Variants in ANO5 observed in about 807,000 individuals in gnomAD.
ANO5 encodes anoctamin-5.
ANO5 carries 109 observed loss-of-function variants against 121.0 expected under a neutral mutation model. That is an observed-to-expected ratio of 0.90 (90% CI 0.77 to 1.06). The LOEUF (loss-of-function observed/expected upper bound fraction) is 1.06. Among genes scored for constraint, ANO5 ranks in the 50% least tolerant of loss-of-function variants. ANO5 has a pLI of 0.00. For synonymous variants in ANO5, 406 were observed against 359.9 expected, an observed-to-expected ratio of 1.13 and a Z score of -1.45; for missense variants, 1,064 against 1,078.5, an observed-to-expected ratio of 0.99 and a Z score of 0.19.
rs112987172 is a variant in ANO5 at position 22,267,525 on chromosome 11, A to T, written c.1899-2787A>T. Reference sequence around the variant, plus strand: ...ATCTACAATTATATATATATATATAAAATCTATCTACAATTATACCAAGTG... The same window carrying T: ...ATCTACAATTATATATATATATATATAATCTATCTACAATTATACCAAGTG... On this transcript the variant is annotated intron_variant, in intron 17 of 21. Transcript: ENST00000324559. Among the ~76,000 whole-genome samples the T allele has an allele frequency of 1.7e-3, 241 of 139,568 alleles. 1 individual carries two copies. Among genetic ancestry groups the T allele is most frequent in the East Asian group, 6.0e-3 (26 of 4,330 alleles). 91.6% of individuals were successfully genotyped at this position (139,568 alleles called of 152,430 possible). A position where few individuals can be genotyped will look rare whatever the true frequency, so the allele number is the denominator to read the frequency against.
chr11:22,248,537 G>A (rs889411052), intron 9 of ANO5, among the ~76,000 whole-genome samples: 6 of 152,126 alleles, frequency 3.9e-5, no homozygotes, highest in Middle Eastern at 3.4e-3. Flanking sequence ...GATCCTGAAA[G>A]ATTATTTCGT....
At chr11:22,231,062 C>T (rs1249969524) in intron 7 of ANO5, among the ~76,000 whole-genome samples, 1 of 151,944 alleles carries the variant, frequency 6.6e-6, no homozygotes, top group Non-Finnish European at 1.5e-5. Flanking sequence ...CTCACCACAC[C>T]TCTTATGGCA....
In ANO5 at chr11:22,223,409, T is replaced by C. The variant is rs78729891; in HGVS notation, c.294+2199T>C. On this transcript the variant is annotated intron_variant, in intron 5 of 21. Coordinates refer to ENST00000324559, the MANE Select transcript of ANO5 (RefSeq NM_213599.3). ...TATGAAAACACATGTGAAATATCTA[T>C]TGGGCAAGCCCATTAGAGTGCCCTA... Among the ~76,000 whole-genome samples, 962 of 152,162 alleles carry C rather than the reference T, an allele frequency of 6.3e-3. 14 individuals are homozygous for C. Among genetic ancestry groups the C allele is most frequent in the African/African-American group, 0.022 (918 of 41,558 alleles).
In ANO5 at chr11:22,269,939, T is replaced by G. The variant is rs114583498; in HGVS notation, c.1899-373T>G. On this transcript the variant is annotated intron_variant, in intron 17 of 21. Transcript: ENST00000324559. ...TTATGTAAGTCATTTCCTATTATAG[T>G]CAATTTCATATTTGTTTGAATTTTC... is the stretch of plus-strand genomic sequence containing the variant. 3.0e-3 allele frequency among the ~76,000 whole-genome samples: 464 copies of G among 152,370 alleles called. 2 individuals are homozygous for G. Among genetic ancestry groups the G allele is most frequent in the African/African-American group, 0.011 (446 of 41,592 alleles).
intron 7 of ANO5, among the ~76,000 whole-genome samples, chr11:22,231,933 G>T (rs555481419): frequency 6.6e-6 from 1 of 151,852 alleles, no homozygotes; most frequent in Non-Finnish European, 1.5e-5. Flanking sequence ...TCCATAAGTC[G>T]TAATTATCAC....
intron 17 of ANO5, among the ~76,000 whole-genome samples, chr11:22,263,259 T>C (rs576833025): frequency 2.6e-5 from 4 of 152,250 alleles, no homozygotes; most frequent in Non-Finnish European, 5.9e-5. Context: ...GCTAGCAAGG[T>C]TTTTAAAAAA....
At chr11:22,239,799 G>T in intron 9 of ANO5, 115 bp downstream of exon 9, 3 of 779,274 alleles carry the variant, frequency 3.8e-6, no homozygotes, top group Non-Finnish European at 2.2e-6. Flanking sequence ...ACAACTTCTT[G>T]ATTTCATATC....
At chr11:22,256,200 T>TAAAG (rs1423955178) in intron 13 of ANO5, among the ~76,000 whole-genome samples, 3 of 152,268 alleles carry the variant, frequency 2.0e-5, no homozygotes, top group African/African-American at 7.2e-5. Flanking sequence ...GCTTTGCCTT[T>TAAAG]AAAGACCAGA....
Position 22,193,101 on chromosome 11 carries a change from A to T in ANO5, c.-392A>T, listed in dbSNP as rs957184911. 4 of 1,101,082 alleles carry T rather than the reference A, an allele frequency of 3.6e-6. No individual in the cohort carries two copies. The Admixed American group carries it at 1.9e-4, about 51-fold the overall frequency. 68.2% of individuals were successfully genotyped at this position (1,101,082 alleles called of 1,614,324 possible). On this transcript the variant is annotated 5_prime_UTR_variant, in exon 1 of 22. Coordinates refer to ENST00000324559, the MANE Select transcript of ANO5 (RefSeq NM_213599.3). ...GGCAGGAGTGGAAAGGATCCTGGCG[A>T]GCACCGGGAGGAGTGGCGGCTGCGG...
At chr11:22,276,732 A>C (rs1351289238) in intron 21 of ANO5, among the ~76,000 whole-genome samples, 1 of 150,736 alleles carries the variant, frequency 6.6e-6, no homozygotes, top group Admixed American at 6.6e-5. Flanking sequence ...TATAGAGATA[A>C]GGCCTGCAAG....
intron 1 of ANO5, among the ~76,000 whole-genome samples, chr11:22,203,525 A>AG (rs1241548986): frequency 2.6e-5 from 4 of 152,108 alleles, no homozygotes; most frequent in African/African-American, 9.7e-5. Flanking sequence ...TAGGTTGATA[A>AG]CCACATTGAT....
intron 5 of ANO5, among the ~76,000 whole-genome samples, chr11:22,222,252 C>T (rs1852676365): frequency 1.3e-5 from 2 of 151,906 alleles, no homozygotes; most frequent in Non-Finnish European, 2.9e-5. Context: ...ATTTATCTTT[C>T]TCTGCATCTT....
Position 22,211,453 on chromosome 11 carries a change from G to GAAA in ANO5, c.138+147_138+149dup. On this transcript the variant is annotated intron_variant, in intron 3 of 21. Coordinates refer to ENST00000324559, the MANE Select transcript of ANO5 (RefSeq NM_213599.3). ...TGGTATTTGAGAATATATTACTTTAGAAAAAAAAAATCAGTTTCTTTAGGT... is the reference window on the plus strand; with the variant it reads ...TGGTATTTGAGAATATATTACTTTAGAAAAAAAAAAAAATCAGTTTCTTTAGGT... 3 of 983,800 alleles carry GAAA rather than the reference G, an allele frequency of 3.0e-6. No homozygotes were observed. The African/African-American group carries it at 5.1e-5, about 17-fold the overall frequency. 60.9% of individuals were successfully genotyped at this position (983,800 alleles called of 1,614,324 possible).
chr11:22,235,269 T>C (rs776998039), intron 7 of ANO5, among the ~76,000 whole-genome samples: 1 of 152,046 alleles, frequency 6.6e-6, no homozygotes, highest in Non-Finnish European at 1.5e-5. Flanking sequence ...AGAGTTCTTA[T>C]TGTGGTGAAT....
In ANO5 at chr11:22,227,555, CCTT is replaced by C. The variant is rs774304728; in HGVS notation, c.621_623del (p.Phe208del). The C allele has an allele frequency of 1.4e-5, 23 of 1,613,328 alleles. No homozygotes were observed. The African/African-American group carries it at 2.8e-4, about 20-fold the overall frequency. On this transcript the variant is annotated inframe_deletion, in exon 7 of 22. Coordinates refer to ENST00000324559, the MANE Select transcript of ANO5 (RefSeq NM_213599.3). ...CTCTTCCTCATCGAAGATCAGGCAACCTTCTTTCCATCCTCATCAAGAAACAGA... is the reference window on the plus strand; with the variant it reads ...CTCTTCCTCATCGAAGATCAGGCAACCTTTCCATCCTCATCAAGAAACAGA...
At chr11:22,205,568 A>G (rs567335122) in intron 2 of ANO5, among the ~76,000 whole-genome samples, 31 of 151,244 alleles carry the variant, frequency 2.0e-4, no homozygotes, top group Admixed American at 5.3e-4. Context: ...AAAATAAAAT[A>G]AAATAAATAA....
chr11:22,266,389 A>T (rs1287087158), intron 17 of ANO5, among the ~76,000 whole-genome samples: 1 of 152,116 alleles, frequency 6.6e-6, no homozygotes, highest in Non-Finnish European at 1.5e-5. Flanking sequence ...TTTTGGTTTG[A>T]GTATAAGCAA....
Position 22,281,024 on chromosome 11 carries a change from T to G in ANO5, c.*1259T>G, listed in dbSNP as rs1272417908. ...ATTATTCCTCTCAAATTTAGGCTTG[T>G]GTTACATGCACAAAAATCCTTGTTC... On this transcript the variant is annotated 3_prime_UTR_variant, in exon 22 of 22. Transcript: ENST00000324559. 1 of 152,002 alleles carries G rather than the reference T, an allele frequency of 6.6e-6. No homozygotes were observed. Among genetic ancestry groups the G allele is most frequent in the Non-Finnish European group, 1.5e-5 (1 of 67,876 alleles). 9.4% of individuals were successfully genotyped at this position (152,002 alleles called of 1,614,324 possible).
chr11:22,262,371 A>G (rs1297467811), intron 16 of ANO5, 73 bp downstream of exon 16: 1 of 1,505,858 alleles, frequency 6.6e-7, no homozygotes, highest in African/African-American at 1.4e-5. Flanking sequence ...TGTGTCAAGC[A>G]CTGATTCACA....
Sources: gnomAD v4.1 joint callset for allele counts (sites outside exome capture counted in the v4.1 genomes callset) on GRCh38, gnomAD v4.1.1 for gene constraint, MANE v1.5 for transcripts, NCBI Gene and HGNC (gene_info 2026-07-23, HGNC 2026-07-21) for gene names.